Variants in ARSB observed in about 807,000 individuals in gnomAD.
ARSB encodes N-acetylgalactosamine-4-sulfatase.
In ARSB, 41 loss-of-function variants were observed where a neutral mutation model predicts 50.9. The observed-to-expected ratio is 0.81, with a 90% CI of 0.63 to 1.04. The LOEUF is 1.04. Among genes scored for constraint, ARSB ranks in the 50% least tolerant of loss-of-function variants. The pLI is 0.00. For synonymous variants in ARSB, 269 were observed against 284.8 expected (o/e 0.94, Z 0.56); for missense variants, 672 against 693.3 (o/e 0.97, Z 0.35).
chr5:78,816,079 G>C lies in ARSB; in HGVS notation c.1213+23277C>G, dbSNP rs774041558. The stretch of plus-strand genomic sequence containing the variant: ...GGTTATCATCTTCAGTAGAAAGTTG[G>C]TGGTAGCTACAACAGCAGCGAGCAC... On this transcript the variant is annotated intron_variant, in intron 6 of 7. Transcript: ENST00000264914. 7 of 1,613,990 alleles carry C rather than the reference G, an allele frequency of 4.3e-6. No homozygotes were observed. The East Asian group carries it at 1.1e-4, about 26-fold the overall frequency.
chr5:78,908,682 G>A (rs1169247215), intron 4 of ARSB, among the ~76,000 whole-genome samples: 1 of 152,022 alleles, frequency 6.6e-6, no homozygotes, highest in Non-Finnish European at 1.5e-5. Context: ...GGACTGGAGA[G>A]GAACTGCAGA....
chr5:78,968,610 A>G (rs1752314199), intron 2 of ARSB, among the ~76,000 whole-genome samples: 2 of 152,056 alleles, frequency 1.3e-5, no homozygotes, highest in South Asian at 4.1e-4. Flanking sequence ...CGGCCTCCCA[A>G]AGTGCTGGGA....
At chr5:78,976,278 C>CTTTTTT (rs541278624) in intron 1 of ARSB, among the ~76,000 whole-genome samples, 3 of 76,888 alleles carry the variant, frequency 3.9e-5, no homozygotes, top group Non-Finnish European at 7.4e-5. Flanking sequence ...AAACAGGCTA[C>CTTTTTT]TTTTTTTTTT....
rs1191475106 is a variant in ARSB at position 78,985,132 on chromosome 5, G to A, written c.117C>T (p.Ala39=). The A allele has an allele frequency of 1.4e-6, 2 of 1,469,548 alleles. No homozygotes were observed. The highest frequency in any genetic ancestry group is 1.8e-6 in the Non-Finnish European group (2 of 1,109,478). 91.0% of individuals were successfully genotyped at this position (1,469,548 alleles called of 1,614,324 possible). The change falls in exon 1 of 8, where the codon GCC becomes GCT. Residue 39 remains alanine (A), a synonymous_variant. Transcript: ENST00000264914. The part of the protein sequence containing the change: ...LLLLAPPGSG[A]GASRPPHLVF... Reference sequence around the variant, plus strand: ...CCAGGTGGGGCGGCCGGCTGGCCCCGGCGCCCGAGCCCGGCGGCGCCAACA... The same window carrying A: ...CCAGGTGGGGCGGCCGGCTGGCCCCAGCGCCCGAGCCCGGCGGCGCCAACA...
chr5:78,907,791 G>A (rs1357073966), intron 4 of ARSB, among the ~76,000 whole-genome samples: 1 of 152,152 alleles, frequency 6.6e-6, no homozygotes, highest in African/African-American at 2.4e-5. Flanking sequence ...GCAGCTGTGT[G>A]GAAAATACCT....
At chr5:78,826,407 T>C (rs922535550) in intron 6 of ARSB, among the ~76,000 whole-genome samples, 3 of 152,196 alleles carry the variant, frequency 2.0e-5, no homozygotes, top group Non-Finnish European at 4.4e-5. Flanking sequence ...GTGCTACTGT[T>C]CTAGATGTTT....
chr5:78,837,937 C>G (rs1293321451), intron 6 of ARSB, among the ~76,000 whole-genome samples: 3 of 152,190 alleles, frequency 2.0e-5, no homozygotes, highest in Non-Finnish European at 4.4e-5. Context: ...CACGATGTAG[C>G]CATTCTCGCC....
At chr5:78,813,462 T>G (rs1046219396) in intron 6 of ARSB, among the ~76,000 whole-genome samples, 1 of 152,182 alleles carries the variant, frequency 6.6e-6, no homozygotes, top group African/African-American at 2.4e-5. Context: ...ACTTATCACT[T>G]TTAAAAAATG....
chr5:78,817,242 GT>G, intron 6 of ARSB: 1 of 427,116 alleles, frequency 2.3e-6, no homozygotes, highest in Non-Finnish European at 3.1e-6. Context: ...ACTCTCTCTG[GT>G]TTATGCTTCC....
Position 78,809,496 on chromosome 5 carries a change from C to T in ARSB, c.1214-27522G>A, listed in dbSNP as rs565439789. Among the ~76,000 whole-genome samples, 66 of 152,354 alleles carry T rather than the reference C, an allele frequency of 4.3e-4. No homozygotes were observed. The Middle Eastern group carries it at 0.01, about 24-fold the overall frequency. ...GTGGAGAGCTAAAAAGAGTGAGGAA[C>T]AACAGGCAGACAGATGATCCTGGAG... On this transcript the variant is annotated intron_variant, in intron 6 of 7. Coordinates refer to ENST00000264914, the MANE Select transcript of ARSB (RefSeq NM_000046.5).
chr5:78,927,506 T>TA (rs1285372264), intron 4 of ARSB, among the ~76,000 whole-genome samples: 7 of 152,150 alleles, frequency 4.6e-5, no homozygotes, highest in Admixed American at 4.6e-4. Flanking sequence ...AGATAAAGTA[T>TA]AAAAACACTA....
intron 4 of ARSB, among the ~76,000 whole-genome samples, chr5:78,911,191 T>C (rs957733644): frequency 6.6e-6 from 1 of 152,154 alleles, no homozygotes; most frequent in Non-Finnish European, 1.5e-5. Flanking sequence ...GTAGCTACTT[T>C]CTGAAAGGTA....
At position 78,892,248 on chromosome 5, in the gene ARSB, C is replaced by CTTTTTTTTT. The variant is rs34960858; in HGVS notation, c.899-6430_899-6422dup. Among the ~76,000 whole-genome samples the CTTTTTTTTT allele has an allele frequency of 4.0e-4, 35 of 87,226 alleles. 1 individual carries two copies. The highest frequency in any genetic ancestry group is 1.5e-3 in the African/African-American group (28 of 19,070). The allele number at this position is 87,226 out of a possible 152,430, so 57.2% of individuals were successfully genotyped here. A position where few individuals can be genotyped will look rare whatever the true frequency, so the allele number is the denominator to read the frequency against. Reference sequence around the variant, plus strand: ...GTCCTCCTAGATTGCATTCTCTATTCTTTTTTTTTTTTTTTTTTTTTTTTT... The same window carrying CTTTTTTTTT: ...GTCCTCCTAGATTGCATTCTCTATTCTTTTTTTTTTTTTTTTTTTTTTTTTTTTTTTTTT... On this transcript the variant is annotated intron_variant, in intron 4 of 7. Transcript: ENST00000264914.
chr5:78,820,486 G>A (rs567689673), intron 6 of ARSB, among the ~76,000 whole-genome samples: 4 of 152,098 alleles, frequency 2.6e-5, no homozygotes, highest in Non-Finnish European at 5.9e-5. Context: ...GCTTGAACCC[G>A]GGAGGTAGAG....
chr5:78,861,155 G>A (rs191112168), intron 5 of ARSB, among the ~76,000 whole-genome samples: 197 of 152,254 alleles, frequency 1.3e-3, no homozygotes, highest in African/African-American at 4.6e-3. Context: ...AGGACCAGAC[G>A]GATTCACAGC....
chr5:78,781,321 C>CTTTT (rs1275224885), intron 7 of ARSB, among the ~76,000 whole-genome samples: 3 of 124,614 alleles, frequency 2.4e-5, no homozygotes, highest in South Asian at 2.5e-4. Flanking sequence ...CTCTCTCTCT[C>CTTTT]TCTTTTTTTT....
chr5:78,803,264 T>C (rs1212335574), intron 6 of ARSB, among the ~76,000 whole-genome samples: 1 of 152,194 alleles, frequency 6.6e-6, no homozygotes, highest in African/African-American at 2.4e-5. Flanking sequence ...CAATTCTCCC[T>C]AACGCACTCC....
chr5:78,834,230 TTTTA>T (rs1409039507), intron 6 of ARSB, among the ~76,000 whole-genome samples: 1 of 152,134 alleles, frequency 6.6e-6, no homozygotes, highest in Non-Finnish European at 1.5e-5. Flanking sequence ...GAAAGTTACG[TTTTA>T]TTTATTTTTT....
At chr5:78,983,359 T>A (rs1561541266) in intron 1 of ARSB, among the ~76,000 whole-genome samples, 2 of 152,204 alleles carry the variant, frequency 1.3e-5, no homozygotes, top group African/African-American at 2.4e-5. Flanking sequence ...GGCCCAGGAA[T>A]GGGTTTCTGA....
Sources: gnomAD v4.1 joint callset for allele counts (sites outside exome capture counted in the v4.1 genomes callset) on GRCh38, gnomAD v4.1.1 for gene constraint, MANE v1.5 for transcripts, NCBI Gene and HGNC (gene_info 2026-07-23, HGNC 2026-07-21) for gene names.